The following FAM151B variants were observed in gnomAD, a reference collection of about 807,000 sequenced individuals.
The protein encoded by FAM151B is protein FAM151B.
In FAM151B, 24 loss-of-function variants were observed where a neutral mutation model predicts 31.2. That is an observed-to-expected ratio of 0.77 (90% confidence interval 0.56 to 1.08). FAM151B has a LOEUF of 1.08. Among genes scored for constraint, FAM151B ranks in the 50% least tolerant of loss-of-function variants. The pLI, the probability that FAM151B is intolerant of heterozygous loss-of-function variation, is 0.00. For synonymous variants in FAM151B, 105 were observed against 111.4 expected (o/e 0.94, Z 0.36); for missense variants, 293 against 328.6 (o/e 0.89, Z 0.84).
chr5:80,514,968 G>A (rs557730911), intron 3 of FAM151B, among the ~76,000 whole-genome samples: 3 of 152,118 alleles, frequency 2.0e-5, no homozygotes, highest in South Asian at 2.1e-4. Context: ...GACCGGGCAC[G>A]GTGGCTCACG....
At chr5:80,504,229 A>G (rs1254369348) in intron 2 of FAM151B, among the ~76,000 whole-genome samples, 1 of 152,118 alleles carries the variant, frequency 6.6e-6, no homozygotes, top group African/African-American at 2.4e-5. Context: ...TCTAGGAGTC[A>G]TTTTTTCGCT....
intron 5 of FAM151B, 112 bp from the exon 6 acceptor site, chr5:80,541,561 T>C: frequency 1.1e-6 from 1 of 946,432 alleles, no homozygotes; most frequent in South Asian, 1.5e-5. Flanking sequence ...ATTAATTTTT[T>C]CATCTGAGTG....
At chr5:80,499,699 TCTA>T (rs1743673560) in intron 1 of FAM151B, among the ~76,000 whole-genome samples, 2 of 151,678 alleles carry the variant, frequency 1.3e-5, no homozygotes, top group African/African-American at 4.8e-5. Flanking sequence ...ATCCTATATG[TCTA>T]CTAATTATTA....
At chr5:80,534,399 T>TAA (rs771368407) in intron 5 of FAM151B, among the ~76,000 whole-genome samples, 5 of 152,098 alleles carry the variant, frequency 3.3e-5, no homozygotes, top group Non-Finnish European at 7.4e-5. Flanking sequence ...ATTAAAAAGA[T>TAA]CATTCATCAT....
chr5:80,489,482 G>A (rs1743232345), intron 1 of FAM151B, among the ~76,000 whole-genome samples: 1 of 152,082 alleles, frequency 6.6e-6, no homozygotes, highest in East Asian at 1.9e-4. Flanking sequence ...CTGGGACAAA[G>A]CTCACACTCA....
intron 3 of FAM151B, among the ~76,000 whole-genome samples, chr5:80,516,317 G>A (rs1468550061): frequency 6.6e-6 from 1 of 151,918 alleles, no homozygotes; most frequent in South Asian, 2.1e-4. Flanking sequence ...AGAGTGAAAC[G>A]CCATCTCAAA....
chr5:80,491,519 G>A (rs1183499925), intron 1 of FAM151B, among the ~76,000 whole-genome samples: 1 of 152,130 alleles, frequency 6.6e-6, no homozygotes, highest in Non-Finnish European at 1.5e-5. Flanking sequence ...CAGCATGCCT[G>A]GAATTACTAA....
chr5:80,508,574 T>A (rs1207259998), intron 2 of FAM151B, among the ~76,000 whole-genome samples: 1 of 152,200 alleles, frequency 6.6e-6, no homozygotes, highest in Non-Finnish European at 1.5e-5. Context: ...TGGCTTATAT[T>A]TGCAGCTGAG....
At chr5:80,526,630 G>C (rs1484299380) in intron 5 of FAM151B, among the ~76,000 whole-genome samples, 1 of 151,858 alleles carries the variant, frequency 6.6e-6, no homozygotes, top group African/African-American at 2.4e-5. Context: ...AAAAAAAATA[G>C]TCTTTCAATT....
Position 80,488,111 on chromosome 5 carries a change from G to T in FAM151B, c.-13G>T. 6.5e-7 allele frequency: 1 copy of T among 1,540,982 alleles called. No homozygotes were observed. The highest frequency in any genetic ancestry group is 8.7e-7 in the Non-Finnish European group (1 of 1,146,964). ...CAGCCTGGGCGCCTGCGCGGACGGC[G>T]GGCGTCGTCACCATGGCAGCATCCG... On this transcript the variant is annotated 5_prime_UTR_variant, in exon 1 of 6. Transcript: ENST00000282226.
In FAM151B at chr5:80,535,340, C is replaced by A. The variant is rs912286966; in HGVS notation, c.672-6333C>A. 4.6e-5 allele frequency among the ~76,000 whole-genome samples: 7 copies of A among 152,186 alleles called. No homozygotes were observed. In the East Asian group the frequency reaches 1.3e-3, roughly 29 times the overall value. On this transcript the variant is annotated intron_variant, in intron 5 of 5. Coordinates refer to ENST00000282226, the MANE Select transcript of FAM151B (RefSeq NM_205548.3). ...AACTGGAAGAATCACATTTACCTGA[C>A]TTCAAATTATACTACAGAGCTATAG... is the stretch of plus-strand genomic sequence containing the variant.
At chr5:80,488,823 G>A (rs964421848) in intron 1 of FAM151B, among the ~76,000 whole-genome samples, 13 of 152,204 alleles carry the variant, frequency 8.5e-5, no homozygotes, top group Admixed American at 3.3e-4. Flanking sequence ...CTGAATCGAT[G>A]CACAGTTTAC....
chr5:80,498,731 G>A, intron 1 of FAM151B: 1 of 576,074 alleles, frequency 1.7e-6, no homozygotes, highest in Non-Finnish European at 3.3e-6. Flanking sequence ...TATTATTCTT[G>A]GGAGTGGTGT....
chr5:80,506,614 C>G (rs1743975135), intron 2 of FAM151B, among the ~76,000 whole-genome samples: 1 of 152,080 alleles, frequency 6.6e-6, no homozygotes, highest in Non-Finnish European at 1.5e-5. Flanking sequence ...TATTTTCCAC[C>G]CAGCATCCAA....
chr5:80,507,580 C>T lies in FAM151B; in HGVS notation c.151+5663C>T, dbSNP rs149554475. Reference sequence around the variant, plus strand: ...CCTGTAATCCCAGCTACTTGGGAGGCTCAGGCAGGAGAATTGCTTGAACCC... The same window carrying T: ...CCTGTAATCCCAGCTACTTGGGAGGTTCAGGCAGGAGAATTGCTTGAACCC... On this transcript the variant is annotated intron_variant, in intron 2 of 5. Coordinates refer to ENST00000282226, the MANE Select transcript of FAM151B (RefSeq NM_205548.3). Among the ~76,000 whole-genome samples, 1,064 of 152,206 alleles carry T rather than the reference C, an allele frequency of 7.0e-3. 14 individuals carry two copies. The highest frequency in any genetic ancestry group is 0.025 in the African/African-American group (1,031 of 41,524).
chr5:80,521,116 CTTTTTTTTTT>C (rs57212651), intron 4 of FAM151B, among the ~76,000 whole-genome samples: 7 of 71,882 alleles, frequency 9.7e-5, no homozygotes, highest in East Asian at 5.4e-4. Flanking sequence ...TGCACCTGGC[CTTTTTTTTTT>C]TTTTTTTTTT....
intron 5 of FAM151B, among the ~76,000 whole-genome samples, chr5:80,538,772 T>C (rs1047982885): frequency 6.6e-6 from 1 of 151,766 alleles, no homozygotes; most frequent in Non-Finnish European, 1.5e-5. Context: ...AATTTTTTTT[T>C]ATCTTTAGTG....
At chr5:80,540,835 G>A (rs139737510) in intron 5 of FAM151B, among the ~76,000 whole-genome samples, 90 of 152,200 alleles carry the variant, frequency 5.9e-4, no homozygotes, top group African/African-American at 2.0e-3. Flanking sequence ...GAATGGTGTC[G>A]CCATCCTTAA....
chr5:80,512,376 G>T (rs35686039), intron 2 of FAM151B, among the ~76,000 whole-genome samples: 6 of 152,130 alleles, frequency 3.9e-5, no homozygotes, highest in Non-Finnish European at 8.8e-5. Context: ...ATATACCTGG[G>T]TGTTTATGCT....
Sources: gnomAD v4.1 joint callset for allele counts (sites outside exome capture counted in the v4.1 genomes callset) on GRCh38, gnomAD v4.1.1 for gene constraint, MANE v1.5 for transcripts, NCBI Gene and HGNC (gene_info 2026-07-23, HGNC 2026-07-21) for gene names.